The following GATAD2A variants were observed in gnomAD, a reference collection of about 807,000 sequenced individuals.
GATAD2A encodes transcriptional repressor p66-alpha.
A neutral mutation model predicts 68.5 loss-of-function variants in GATAD2A; 12 were observed. That is an observed-to-expected ratio of 0.18 (90% CI 0.11 to 0.28). The LOEUF (loss-of-function observed/expected upper bound fraction) is 0.28. Ranked by LOEUF, GATAD2A falls within the 10% of genes least tolerant of loss-of-function variation. GATAD2A has a pLI of 1.00. For synonymous variants in GATAD2A, 410 were observed against 375.3 expected (o/e 1.09, Z -1.07); for missense variants, 755 against 868.5 (o/e 0.87, Z 1.64).
intron 2 of GATAD2A, among the ~76,000 whole-genome samples, chr19:19,470,695 T>C (rs956427798): frequency 6.6e-6 from 1 of 152,104 alleles, no homozygotes; most frequent in Non-Finnish European, 1.5e-5. Context: ...TAGGTGAACG[T>C]TCTCTGTTGA....
At chr19:19,496,824 A>G (rs8110774) in intron 7 of GATAD2A, among the ~76,000 whole-genome samples, 3,411 of 152,314 alleles carry the variant, frequency 0.022, 121 homozygotes, top group African/African-American at 0.077. Flanking sequence ...TGGCTGACAG[A>G]TAAAATTACC....
intron 7 of GATAD2A, among the ~76,000 whole-genome samples, 184 bp downstream of exon 7, chr19:19,496,403 G>A (rs1033561074): frequency 2.6e-5 from 4 of 152,210 alleles, no homozygotes; most frequent in South Asian, 2.1e-4. Flanking sequence ...TGTCTGGGTC[G>A]TGGGCAGAAG....
At chr19:19,420,872 T>A (rs781756457) in intron 1 of GATAD2A, among the ~76,000 whole-genome samples, 17 of 152,188 alleles carry the variant, frequency 1.1e-4, no homozygotes, top group Non-Finnish European at 1.6e-4. Flanking sequence ...GCATGTAACG[T>A]GTTGGCACAT....
chr19:19,502,156 ACT>A (rs1175497094), intron 10 of GATAD2A, 113 bp downstream of exon 10: 3 of 907,128 alleles, frequency 3.3e-6, no homozygotes, highest in East Asian at 2.6e-5. Flanking sequence ...TTTCTGTTTC[ACT>A]CTCTCCCCTC....
chr19:19,462,376 C>T (rs1037856712), intron 1 of GATAD2A, among the ~76,000 whole-genome samples: 2 of 152,198 alleles, frequency 1.3e-5, no homozygotes, highest in Non-Finnish European at 2.9e-5. Flanking sequence ...GCCAAAGGAG[C>T]CCCCTGCACT....
intron 1 of GATAD2A, among the ~76,000 whole-genome samples, chr19:19,461,238 C>G (rs915335050): frequency 6.6e-6 from 1 of 152,210 alleles, no homozygotes; most frequent in Admixed American, 6.5e-5. Context: ...AAGGGTGTTA[C>G]TATGGGTATG....
chr19:19,392,019 C>T (rs564020011), intron 1 of GATAD2A, among the ~76,000 whole-genome samples: 1 of 151,776 alleles, frequency 6.6e-6, no homozygotes, highest in Admixed American at 6.6e-5. Context: ...TTGACTTCAT[C>T]CTCTCAGAAA....
chr19:19,419,534 T>TA (rs1448461027), intron 1 of GATAD2A, among the ~76,000 whole-genome samples: 3 of 143,684 alleles, frequency 2.1e-5, no homozygotes, highest in African/African-American at 8.5e-5. Context: ...TTTTTTTTTT[T>TA]AAGATGGAGT....
chr19:19,419,143 C>T (rs772435058), intron 1 of GATAD2A, among the ~76,000 whole-genome samples: 5 of 152,108 alleles, frequency 3.3e-5, no homozygotes, highest in Non-Finnish European at 7.4e-5. Context: ...TGTGAGCACT[C>T]GGTGGAAGGA....
At chr19:19,490,417 G>A (rs2059711549) in intron 2 of GATAD2A, among the ~76,000 whole-genome samples, 1 of 152,164 alleles carries the variant, frequency 6.6e-6, no homozygotes, top group African/African-American at 2.4e-5. Flanking sequence ...CTAGAGCAGA[G>A]TCAGGTTCTT....
chr19:19,444,409 C>G (rs1159103401), intron 1 of GATAD2A, among the ~76,000 whole-genome samples: 1 of 152,196 alleles, frequency 6.6e-6, no homozygotes, highest in Admixed American at 6.5e-5. Flanking sequence ...CTGTGCCCCC[C>G]ACTCCAGTGT....
chr19:19,455,382 C>G (rs1005221422), intron 1 of GATAD2A, among the ~76,000 whole-genome samples: 2 of 151,648 alleles, frequency 1.3e-5, no homozygotes, highest in Non-Finnish European at 2.9e-5. Context: ...CCCACTTACT[C>G]GGGAGGCCGA....
chr19:19,388,165 C>A (rs964895941), intron 1 of GATAD2A, among the ~76,000 whole-genome samples: 1 of 151,674 alleles, frequency 6.6e-6, no homozygotes, highest in Non-Finnish European at 1.5e-5. Flanking sequence ...TCAAGCAATT[C>A]TCCTGCCTCA....
Position 19,506,514 on chromosome 19 carries a change from G to A in GATAD2A, c.*1040G>A, listed in dbSNP as rs550961382. 19 of 189,384 alleles carry A rather than the reference G, an allele frequency of 1.0e-4. No individual in the cohort carries two copies. The South Asian group carries it at 3.1e-3, about 31-fold the overall frequency. The allele number at this position is 189,384 out of a possible 1,614,324, so 11.7% of individuals were successfully genotyped here. A position where few individuals can be genotyped will look rare whatever the true frequency, so the allele number is the denominator to read the frequency against. ...GCAGGTCAGGAGGTGCCGTCCAGGT[G>A]TGCGGCGAGCCGCTGCGCACAGATG... On this transcript the variant is annotated 3_prime_UTR_variant, in exon 12 of 12. Transcript: ENST00000683918.
chr19:19,392,770 C>T (rs2048943690), intron 1 of GATAD2A, among the ~76,000 whole-genome samples: 1 of 150,456 alleles, frequency 6.6e-6, no homozygotes, highest in African/African-American at 2.5e-5. Context: ...AATCTTGGCT[C>T]ACTGCAACCT....
chr19:19,492,234 A>G (rs2059844647), intron 2 of GATAD2A, 72 bp from the exon 3 acceptor site: 1 of 1,466,550 alleles, frequency 6.8e-7, no homozygotes, highest in Non-Finnish European at 9.3e-7. Flanking sequence ...GCTCCCTGCC[A>G]TGTGTCCACA....
rs996611409 is a variant in GATAD2A, at chr19:19,409,365, G to A, written c.-7+3346G>A. Among the ~76,000 whole-genome samples, 18 of 152,296 alleles carry A rather than the reference G, an allele frequency of 1.2e-4. 1 individual carries two copies. The highest frequency in any genetic ancestry group is 1.1e-3 in the Admixed American group (17 of 15,294). Reference sequence around the variant, plus strand: ...GTGGGTGAAGTCTTCTCGAGCAGCTGTCCTGGGGTAATAGAGCATCCCTGG... The same window carrying A: ...GTGGGTGAAGTCTTCTCGAGCAGCTATCCTGGGGTAATAGAGCATCCCTGG... On this transcript the variant is annotated intron_variant, in intron 1 of 11. Transcript: ENST00000683918.
intron 1 of GATAD2A, among the ~76,000 whole-genome samples, chr19:19,420,005 C>CA (rs1333639434): frequency 1.5e-5 from 1 of 68,712 alleles, no homozygotes; most frequent in Non-Finnish European, 2.6e-5. Flanking sequence ...ACCATCTTGA[C>CA]TTTTTTTTTT....
At chr19:19,503,436 C>T (rs1481286489) in intron 11 of GATAD2A, among the ~76,000 whole-genome samples, 2 of 152,162 alleles carry the variant, frequency 1.3e-5, no homozygotes, top group African/African-American at 2.4e-5. Flanking sequence ...AGCAGACGTT[C>T]GGCTGCAGAG....
Sources: gnomAD v4.1 joint callset for allele counts (sites outside exome capture counted in the v4.1 genomes callset) on GRCh38, gnomAD v4.1.1 for gene constraint, MANE v1.5 for transcripts, NCBI Gene and HGNC (gene_info 2026-07-23, HGNC 2026-07-21) for gene names.